ATP10B: variants seen among roughly 807,000 people sequenced by gnomAD.
ATP10B encodes phospholipid-transporting ATPase VB.
ATP10B carries 122 observed loss-of-function variants against 141.2 expected under a neutral mutation model. The observed-to-expected ratio is 0.86, with a 90% CI of 0.75 to 1.00. The LOEUF is 1.00. ATP10B is among the 50% of genes least tolerant of loss of function. The probability of loss-of-function intolerance (pLI) is 0.00; values close to 1 mark genes in which losing one functional copy is unlikely to be tolerated. For synonymous variants in ATP10B, 685 were observed against 692.0 expected (o/e 0.99, Z 0.16); for missense variants, 1,876 against 1,825.3 (o/e 1.03, Z -0.51).
At position 160,812,057 on chromosome 5, in the gene ATP10B, AGAGG is replaced by A. The variant is rs1322466242; in HGVS notation, c.-575-26258_-575-26255del. Among the ~76,000 whole-genome samples the A allele has an allele frequency of 3.1e-4, 45 of 146,554 alleles. 1 individual carries two copies. In the South Asian group the frequency reaches 3.7e-3, roughly 12 times the overall value. ...GAGAGAGAGAGAGAGAGAGAGAGAG[AGAGG>A]GAGAGGGAGAGAGATTCCTCTTGTT... On this transcript the variant is annotated intron_variant, in intron 1 of 25. Transcript: ENST00000327245.
At chr5:160,606,603 C>T (rs192275925) in intron 19 of ATP10B, among the ~76,000 whole-genome samples, 162 bp downstream of exon 19, 1 of 152,290 alleles carries the variant, frequency 6.6e-6, no homozygotes, top group Non-Finnish European at 1.5e-5. Context: ...ACTTCATCCC[C>T]TAGTTGCTGC....
In ATP10B at chr5:160,563,145, G is replaced by A. The variant is rs1225999802; in HGVS notation, c.*2308C>T. On this transcript the variant is annotated 3_prime_UTR_variant, in exon 26 of 26. Transcript: ENST00000327245. ...TTGGCAGGCAACTATGGAAAACCAT[G>A]TTTATTTTTAATAAAGGATGACATT... 1.3e-5 allele frequency: 2 copies of A among 152,126 alleles called. No individual in the cohort carries two copies. The highest frequency in any genetic ancestry group is 2.9e-5 in the Non-Finnish European group (2 of 68,026). 9.4% of individuals were successfully genotyped at this position (152,126 alleles called of 1,614,324 possible).
intron 6 of ATP10B, among the ~76,000 whole-genome samples, chr5:160,683,614 C>T (rs1402107192): frequency 6.6e-6 from 1 of 152,204 alleles, no homozygotes; most frequent in Non-Finnish European, 1.5e-5. Context: ...GGACCAGAGC[C>T]AGTGCGGAAT....
intron 2 of ATP10B, among the ~76,000 whole-genome samples, chr5:160,782,928 G>T (rs1163473135): frequency 6.6e-6 from 1 of 151,958 alleles, no homozygotes; most frequent in African/African-American, 2.4e-5. Context: ...TACATAACAG[G>T]TATTTCCATT....
chr5:160,786,389 G>A (rs902937260), intron 1 of ATP10B, among the ~76,000 whole-genome samples: 4 of 152,046 alleles, frequency 2.6e-5, no homozygotes, highest in African/African-American at 7.2e-5. Flanking sequence ...GCTTAGGCTA[G>A]TTTTTGTTGT....
chr5:160,788,700 C>A (rs1399951594), intron 1 of ATP10B, among the ~76,000 whole-genome samples: 1 of 152,088 alleles, frequency 6.6e-6, no homozygotes, highest in Non-Finnish European at 1.5e-5. Flanking sequence ...AATTTTTCTT[C>A]TCCTTTATCA....
intron 1 of ATP10B, among the ~76,000 whole-genome samples, chr5:160,850,813 T>TGAA (rs1423129165): frequency 6.6e-6 from 1 of 152,230 alleles, no homozygotes; most frequent in Non-Finnish European, 1.5e-5. Flanking sequence ...GGAGAGATCC[T>TGAA]GAACCCTTAA....
At chr5:160,797,962 A>G (rs577116611) in intron 1 of ATP10B, among the ~76,000 whole-genome samples, 55 of 145,090 alleles carry the variant, frequency 3.8e-4, no homozygotes, top group Middle Eastern at 7.0e-3. Flanking sequence ...AAAAAAAAAA[A>G]AGAGAAAAGA....
In ATP10B at chr5:160,634,375, C is replaced by T. The variant is rs760038137; in HGVS notation, c.1360G>A (p.Glu454Lys). 1.4e-5 allele frequency: 22 copies of T among 1,614,034 alleles called. No homozygotes were observed. The East Asian group carries it at 2.2e-4, about 16-fold the overall frequency. The change falls in exon 12 of 26, where the codon GAG becomes AAG. Residue 454 changes from glutamate to lysine, a missense_variant. Glu to Lys is a moderately conservative substitution (Grantham distance 56). Coordinates refer to ENST00000327245, the MANE Select transcript of ATP10B (RefSeq NM_025153.3). Reference sequence around the variant, plus strand: ...ATACCATTTTCTTGGTGAGAATACTCGCTGCCCATGATGGTGCAACGTCGG... The same window carrying T: ...ATACCATTTTCTTGGTGAGAATACTTGCTGCCCATGATGGTGCAACGTCGG... ...VFRRCTIMGS[E>K]YSHQENAKRL...
chr5:160,800,433 A>C (rs940482772), intron 1 of ATP10B, among the ~76,000 whole-genome samples: 11 of 152,250 alleles, frequency 7.2e-5, no homozygotes, highest in African/African-American at 2.7e-4. Context: ...CAAAGAGTTT[A>C]CAAATGTGAC....
intron 2 of ATP10B, among the ~76,000 whole-genome samples, chr5:160,726,777 C>A (rs542449879): frequency 6.6e-4 from 100 of 152,174 alleles, no homozygotes; most frequent in African/African-American, 2.3e-3. Flanking sequence ...CCCTTTCAAG[C>A]TGGAAACTGC....
the ATP10B span, among the ~76,000 whole-genome samples, chr5:160,868,390 G>A: frequency 6.6e-6 from 1 of 152,052 alleles, no homozygotes; most frequent in East Asian, 1.9e-4. Context: ...AGAGCTTTAG[G>A]CAGTTTATGC....
chr5:160,908,557 T>C, the ATP10B span, among the ~76,000 whole-genome samples: 1 of 152,220 alleles, frequency 6.6e-6, no homozygotes, highest in African/African-American at 2.4e-5. Context: ...CTTACTTTTT[T>C]GCTTCCTCCT....
At chr5:160,584,433 G>A (rs1318546925) in intron 24 of ATP10B, among the ~76,000 whole-genome samples, 1 of 152,170 alleles carries the variant, frequency 6.6e-6, no homozygotes, top group East Asian at 1.9e-4. Flanking sequence ...CCCACCTTCT[G>A]TGTTGATCTT....
At chr5:160,654,119 C>CGTATATACATATATAAATAT (rs1761300189) in intron 7 of ATP10B, among the ~76,000 whole-genome samples, 2 of 137,452 alleles carry the variant, frequency 1.5e-5, no homozygotes, top group African/African-American at 5.9e-5. Context: ...TATATAAATA[C>CGTATATACATATATAAATAT]GTGTGTGTGT....
chr5:160,755,814 CAAAAAAAAA>C (rs763385041), intron 2 of ATP10B, among the ~76,000 whole-genome samples: 14 of 48,170 alleles, frequency 2.9e-4, no homozygotes, highest in African/African-American at 5.9e-4. Context: ...GACTCCGTCT[CAAAAAAAAA>C]AAAAAAAAAA....
intron 3 of ATP10B, among the ~76,000 whole-genome samples, chr5:160,706,389 T>C (rs1765014019): frequency 6.6e-6 from 1 of 152,216 alleles, no homozygotes; most frequent in African/African-American, 2.4e-5. Context: ...GCCTGTGTTA[T>C]TATATAATTA....
At chr5:160,660,661 T>A (rs905047548) in intron 7 of ATP10B, among the ~76,000 whole-genome samples, 2 of 152,138 alleles carry the variant, frequency 1.3e-5, no homozygotes, top group Non-Finnish European at 2.9e-5. Context: ...AAGTCATAGA[T>A]CTAAACAACC....
At chr5:160,632,632 T>G (rs1029351883) in intron 12 of ATP10B, 9 of 326,612 alleles carry the variant, frequency 2.8e-5, no homozygotes, top group Admixed American at 1.3e-4. Context: ...TTTTTTTTTT[T>G]TTTTTTTTTT....
Sources: gnomAD v4.1 joint callset for allele counts (sites outside exome capture counted in the v4.1 genomes callset) on GRCh38, gnomAD v4.1.1 for gene constraint, MANE v1.5 for transcripts, NCBI Gene and HGNC (gene_info 2026-07-23, HGNC 2026-07-21) for gene names.